Variants in CSE1L observed in about 807,000 individuals in gnomAD.
The protein encoded by CSE1L is chromosome segregation 1 like, also known as exportin-2.
A neutral mutation model predicts 120.4 loss-of-function variants in CSE1L; 24 were observed. The ratio of observed to expected loss-of-function variants is 0.20; its 90% CI spans 0.14 to 0.28. CSE1L has a LOEUF of 0.28. CSE1L is among the 10% of genes least tolerant of loss of function. CSE1L has a pLI of 1.00. For missense variants in CSE1L, 830 were observed against 1,145.2 expected (o/e 0.72, Z 3.97); for synonymous variants, 402 against 398.3 (o/e 1.01, Z -0.11).
At chr20:49,084,192 C>T in intron 15 of CSE1L, 30 bp downstream of exon 15, 1 of 1,611,500 alleles carries the variant, frequency 6.2e-7, no homozygotes, top group Non-Finnish European at 8.5e-7. Flanking sequence ...GTTTTTTAGC[C>T]TGGGGTAGGG....
intron 22 of CSE1L, among the ~76,000 whole-genome samples, chr20:49,092,407 A>G (rs2092108552): frequency 6.6e-6 from 1 of 151,986 alleles, no homozygotes; most frequent in South Asian, 2.1e-4. Flanking sequence ...CTCCATCTCA[A>G]AAAAAGAAAA....
intron 1 of CSE1L, among the ~76,000 whole-genome samples, chr20:49,051,074 A>G (rs900027499): frequency 1.3e-5 from 2 of 152,244 alleles, no homozygotes; most frequent in Non-Finnish European, 2.9e-5. Context: ...CCCTACTATC[A>G]GTGGAGTTTA....
At chr20:49,065,784 T>TGG in intron 3 of CSE1L, among the ~76,000 whole-genome samples, 1 of 151,702 alleles carries the variant, frequency 6.6e-6, no homozygotes, top group Non-Finnish European at 1.5e-5. Context: ...AGTAGAGACA[T>TGG]GGTTTCACCA....
chr20:49,067,282 TATGGA>T lies in CSE1L; in HGVS notation c.567+6_567+10del, dbSNP rs2091900146. On this transcript the variant is annotated splice_donor_5th_base_variant and intron_variant, in intron 6 of 24. Transcript: ENST00000262982. ...TTGCCTTTGACTAATCTTTTTAAGG[TATGGA>T]ATGCATCTTGGTGATATTTTTAAAT... 2 of 1,575,330 alleles carry T rather than the reference TATGGA, an allele frequency of 1.3e-6. No individual in the cohort carries two copies. Among genetic ancestry groups the T allele is most frequent in the African/African-American group, 2.7e-5 (2 of 74,052 alleles).
In CSE1L at chr20:49,096,546, A is replaced by G. The variant is rs2092142628; in HGVS notation, c.*108A>G. 1 of 814,010 alleles carries G rather than the reference A, an allele frequency of 1.2e-6. No individual in the cohort carries two copies. Among genetic ancestry groups the G allele is most frequent in the African/African-American group, 1.7e-5 (1 of 58,398 alleles). 50.4% of individuals were successfully genotyped at this position (814,010 alleles called of 1,614,324 possible). A position where few individuals can be genotyped will look rare whatever the true frequency, so the allele number is the denominator to read the frequency against. On this transcript the variant is annotated 3_prime_UTR_variant, in exon 25 of 25. Coordinates refer to ENST00000262982, the MANE Select transcript of CSE1L (RefSeq NM_001316.4). The stretch of plus-strand genomic sequence containing the variant: ...AAGTTCTCCTTTTGAACTTGTCACG[A>G]ATTCCATCTTGTAAAGGATATTAAA...
rs961928777 is a variant in CSE1L at position 49,087,897 on chromosome 20, A to T, written c.1724-112A>T. The stretch of plus-strand genomic sequence containing the variant: ...GTAGAGAGCTATCTCGGGGTTGTCT[A>T]AGCATCTTAAAATTTAGTTGATGAA... On this transcript the variant is annotated intron_variant, in intron 16 of 24. Transcript: ENST00000262982. 23 of 647,376 alleles carry T rather than the reference A, an allele frequency of 3.6e-5. No homozygotes were observed. In the East Asian group the frequency reaches 6.6e-4, roughly 19 times the overall value. The allele number at this position is 647,376 out of a possible 1,614,324, so 40.1% of individuals were successfully genotyped here.
At chr20:49,079,924 A>T (rs760351576) in intron 14 of CSE1L, among the ~76,000 whole-genome samples, 1 of 152,146 alleles carries the variant, frequency 6.6e-6, no homozygotes, top group Non-Finnish European at 1.5e-5. Context: ...TACTAAAAAT[A>T]CTAGCTGGGT....
intron 1 of CSE1L, among the ~76,000 whole-genome samples, chr20:49,056,927 A>G (rs766640161): frequency 2.0e-5 from 3 of 151,906 alleles, no homozygotes; most frequent in Non-Finnish European, 2.9e-5. Flanking sequence ...TTTCAAGTGT[A>G]CAATACATTA....
intron 1 of CSE1L, among the ~76,000 whole-genome samples, chr20:49,049,819 AG>A (rs1470267757): frequency 6.6e-6 from 1 of 152,238 alleles, no homozygotes; most frequent in Non-Finnish European, 1.5e-5. Context: ...ACTTGAGCTC[AG>A]GAGTTCCAGA....
chr20:49,092,398 TC>T (rs1438319513), intron 22 of CSE1L, among the ~76,000 whole-genome samples: 1 of 151,754 alleles, frequency 6.6e-6, no homozygotes, highest in East Asian at 1.9e-4. Context: ...ATAGTGAGAC[TC>T]CATCTCAAAA....
chr20:49,047,559 CTTTTCT>C (rs1568757227), intron 1 of CSE1L, among the ~76,000 whole-genome samples: 4 of 61,086 alleles, frequency 6.5e-5, no homozygotes, highest in African/African-American at 2.7e-4. Context: ...TTTCTTTTCT[CTTTTCT>C]TTTTTTTTTT....
rs541257815 is a variant in CSE1L, at chr20:49,062,063, T to C, written c.86-1139T>C. Among the ~76,000 whole-genome samples the C allele has an allele frequency of 3.9e-5, 6 of 152,274 alleles. No individual in the cohort carries two copies. The South Asian group carries it at 1.2e-3, about 32-fold the overall frequency. The stretch of plus-strand genomic sequence containing the variant: ...CTCAAACTCACTTCCTGGATATTGA[T>C]TACAATTTAGGAAAGAGACTTGGCA... On this transcript the variant is annotated intron_variant, in intron 2 of 24. Transcript: ENST00000262982.
chr20:49,047,456 G>A (rs902272606), intron 1 of CSE1L, among the ~76,000 whole-genome samples: 1 of 150,884 alleles, frequency 6.6e-6, no homozygotes, highest in Admixed American at 6.6e-5. Context: ...TGCTGGGGAA[G>A]TACCAACATT....
intron 1 of CSE1L, among the ~76,000 whole-genome samples, chr20:49,047,765 A>G (rs938268644): frequency 2.0e-5 from 3 of 151,306 alleles, no homozygotes; most frequent in African/African-American, 4.9e-5. Flanking sequence ...TTGTATTTTT[A>G]TTAGAGACGG....
chr20:49,068,634 C>A, intron 6 of CSE1L, 81 bp from the exon 7 acceptor site: 1 of 887,668 alleles, frequency 1.1e-6, no homozygotes, highest in South Asian at 1.4e-5. Flanking sequence ...ATAGTCTCAG[C>A]TTAGTGCAAG....
chr20:49,090,110 G>A (rs770330902), intron 19 of CSE1L, among the ~76,000 whole-genome samples: 1 of 151,892 alleles, frequency 6.6e-6, no homozygotes, highest in South Asian at 2.1e-4. Flanking sequence ...GGGCAACAGA[G>A]CTAGACCCTG....
Position 49,087,959 on chromosome 20 carries a change from C to G in CSE1L, c.1724-50C>G, listed in dbSNP as rs1472448361. ...TTTTCCCCCCAGTCGCTCTCTTATTCTGAAGTTTAACTAAACTCTATTTGT... is the reference window on the plus strand; with the variant it reads ...TTTTCCCCCCAGTCGCTCTCTTATTGTGAAGTTTAACTAAACTCTATTTGT... On this transcript the variant is annotated intron_variant, in intron 16 of 24. Transcript: ENST00000262982. 3.2e-6 allele frequency: 4 copies of G among 1,245,014 alleles called. No individual in the cohort carries two copies. The Admixed American group carries it at 6.5e-5, about 20-fold the overall frequency. The allele number at this position is 1,245,014 out of a possible 1,614,324, so 77.1% of individuals were successfully genotyped here.
At chr20:49,084,329 T>C (rs1029847813) in intron 15 of CSE1L, among the ~76,000 whole-genome samples, 167 bp downstream of exon 15, 1 of 152,186 alleles carries the variant, frequency 6.6e-6, no homozygotes, top group Non-Finnish European at 1.5e-5. Context: ...CTTACTAAAA[T>C]AGGTGCATTA....
chr20:49,076,182 G>GTT (rs2091966781), intron 12 of CSE1L, among the ~76,000 whole-genome samples: 1 of 150,684 alleles, frequency 6.6e-6, no homozygotes, highest in Non-Finnish European at 1.5e-5. Context: ...TTTTGTTGTT[G>GTT]TTGTTTTGTT....
Sources: allele counts gnomAD v4.1 joint callset (sites outside exome capture counted in the v4.1 genomes callset), GRCh38; gene constraint gnomAD v4.1.1; transcripts MANE v1.5; gene names NCBI Gene and HGNC (gene_info 2026-07-23, HGNC 2026-07-21).